Variants in KDM2B observed in about 807,000 individuals in gnomAD.
The protein encoded by KDM2B is lysine-specific demethylase 2B.
KDM2B carries 26 observed loss-of-function variants against 150.0 expected under a neutral mutation model. That is an observed-to-expected ratio of 0.17 (90% CI 0.13 to 0.24). The LOEUF is 0.24. Ranked by LOEUF, KDM2B falls within the 10% of genes least tolerant of loss-of-function variation. The pLI, the probability that KDM2B is intolerant of heterozygous loss-of-function variation, is 1.00. For missense variants in KDM2B, 1,265 were observed against 1,816.9 expected (o/e 0.70, Z 5.52); for synonymous variants, 734 against 729.5 (o/e 1.01, Z -0.10).
At chr12:121,560,923 C>T (rs1373913236) in intron 4 of KDM2B, among the ~76,000 whole-genome samples, 2 of 152,038 alleles carry the variant, frequency 1.3e-5, no homozygotes, top group South Asian at 2.1e-4. Context: ...TCCCTTCAGA[C>T]CTGCAAGGGA....
At chr12:121,409,171 G>A in the KDM2B span, among the ~76,000 whole-genome samples, 96 of 152,102 alleles carry the variant, frequency 6.3e-4, no homozygotes, top group Admixed American at 1.1e-3. Flanking sequence ...GTAGAGACGG[G>A]GTTTTACCAT....
intron 4 of KDM2B, among the ~76,000 whole-genome samples, chr12:121,551,413 G>A (rs112867649): frequency 1.4e-5 from 2 of 148,112 alleles, no homozygotes; most frequent in Admixed American, 6.9e-5. Context: ...TGGCACGATC[G>A]TGGCTCACTG....
chr12:121,540,000 A>G (rs1272808497), intron 6 of KDM2B, among the ~76,000 whole-genome samples: 2 of 152,074 alleles, frequency 1.3e-5, no homozygotes, highest in South Asian at 2.1e-4. Flanking sequence ...TGGACCTCCT[A>G]AAGTGCTGAG....
At chr12:121,426,765 A>C (rs114396819), downstream of KDM2B, among the ~76,000 whole-genome samples, 4,948 of 151,640 alleles carry the variant, frequency 0.033, 266 homozygotes, top group African/African-American at 0.11. Context: ...AGCTGGGATC[A>C]CAGGTGCATA....
chr12:121,533,572 G>A lies in KDM2B; in HGVS notation c.778-613C>T, dbSNP rs1338053215. ...TAGCATTCTGTCCCCAGTGCAAAAT[G>A]TTCCTAGAGGCAGGTGGTGCTGGCA... On this transcript the variant is annotated intron_variant, in intron 7 of 22. Transcript: ENST00000377071. This position sits in a 1 kb window ranked among gnomAD's most constrained non-coding sequence, Gnocchi z 4.1. 2.6e-5 allele frequency among the ~76,000 whole-genome samples: 4 copies of A among 152,162 alleles called. No individual in the cohort carries two copies. Among genetic ancestry groups the A allele is most frequent in the African/African-American group, 9.7e-5 (4 of 41,438 alleles).
intron 2 of KDM2B, among the ~76,000 whole-genome samples, chr12:121,576,502 A>C (rs1594166940): frequency 6.6e-6 from 1 of 152,166 alleles, no homozygotes; most frequent in Admixed American, 6.5e-5. Context: ...TCCTTGCTTC[A>C]GCTGGATAAC....
chr12:121,444,832 G>C (rs1308969098), intron 14 of KDM2B: 2 of 502,254 alleles, frequency 4.0e-6, no homozygotes, highest in East Asian at 7.3e-5. Context: ...CATCTCACTG[G>C]GGGGGTATGA....
chr12:121,416,166 C>G, the KDM2B span: 1 of 1,613,636 alleles, frequency 6.2e-7, no homozygotes, highest in Non-Finnish European at 8.5e-7. Flanking sequence ...TAGGCGGGTG[C>G]CACGTCTATG....
At chr12:121,483,135 C>G (rs965955431) in intron 12 of KDM2B, among the ~76,000 whole-genome samples, 2 of 151,944 alleles carry the variant, frequency 1.3e-5, no homozygotes, top group South Asian at 4.2e-4. Flanking sequence ...TGCACTCCAG[C>G]CTGGGCAACA....
At chr12:121,477,465 C>A (rs531034903) in intron 12 of KDM2B, among the ~76,000 whole-genome samples, 1 of 151,992 alleles carries the variant, frequency 6.6e-6, no homozygotes, top group Non-Finnish European at 1.5e-5. Context: ...CCCACTACAC[C>A]CTCCAACTCC....
the KDM2B span, among the ~76,000 whole-genome samples, chr12:121,415,508 C>T: frequency 6.6e-5 from 10 of 150,858 alleles, 1 homozygote; most frequent in Admixed American, 1.3e-4. Flanking sequence ...CCTAGTTACT[C>T]GGGAGGCTGA....
At chr12:121,539,701 C>A (rs1392266534) in intron 6 of KDM2B, among the ~76,000 whole-genome samples, 1 of 151,966 alleles carries the variant, frequency 6.6e-6, no homozygotes, top group Admixed American at 6.6e-5. Context: ...TCTGAGTTAT[C>A]CACAAGCCTC....
intron 1 of KDM2B, chr12:121,579,783 T>C: frequency 7.6e-7 from 1 of 1,314,618 alleles, no homozygotes; most frequent in Non-Finnish European, 1.0e-6. Context: ...TCCACGCCTT[T>C]CCCCGATACC....
chr12:121,562,857 G>A (rs1208575630), intron 4 of KDM2B, among the ~76,000 whole-genome samples: 1 of 152,132 alleles, frequency 6.6e-6, no homozygotes, highest in African/African-American at 2.4e-5. Context: ...TGACTACTGA[G>A]GAGAACAAAG....
At chr12:121,571,650 T>C (rs1197807376) in intron 4 of KDM2B, among the ~76,000 whole-genome samples, 1 of 149,540 alleles carries the variant, frequency 6.7e-6, no homozygotes, top group Non-Finnish European at 1.5e-5. Context: ...GAATATGATC[T>C]CAATTTTTTT....
chr12:121,519,488 T>C (rs931060551), intron 9 of KDM2B, among the ~76,000 whole-genome samples: 1 of 152,214 alleles, frequency 6.6e-6, no homozygotes, highest in Admixed American at 6.5e-5. Flanking sequence ...ACAATGTGGA[T>C]GAACCTGGAA....
At chr12:121,551,531 G>A (rs1889494389) in intron 4 of KDM2B, among the ~76,000 whole-genome samples, 1 of 151,790 alleles carries the variant, frequency 6.6e-6, no homozygotes, top group African/African-American at 2.4e-5. Context: ...TTTTTGTAGA[G>A]ACAGGGTTTT....
At chr12:121,546,514 C>T (rs112027902) in intron 6 of KDM2B, among the ~76,000 whole-genome samples, 3 of 149,582 alleles carry the variant, frequency 2.0e-5, no homozygotes, top group African/African-American at 7.4e-5. Context: ...TCCCGAGTAG[C>T]TGGGACTACA....
At chr12:121,558,880 GGCA>G (rs1890115315) in intron 4 of KDM2B, among the ~76,000 whole-genome samples, 1 of 152,138 alleles carries the variant, frequency 6.6e-6, no homozygotes, top group Non-Finnish European at 1.5e-5. Context: ...CATGAACCAT[GGCA>G]CCCAGCCTCC....
Sources: allele counts gnomAD v4.1 joint callset (sites outside exome capture counted in the v4.1 genomes callset), GRCh38; gene constraint gnomAD v4.1.1; non-coding constraint Gnocchi (gnomAD v3.1); transcripts MANE v1.5; gene names NCBI Gene and HGNC (gene_info 2026-07-23, HGNC 2026-07-21).